The following LYN variants were observed in gnomAD, a reference collection of about 807,000 sequenced individuals.
LYN encodes LYN proto-oncogene, Src family tyrosine kinase, also known as tyrosine-protein kinase Lyn.
LYN carries 12 observed loss-of-function variants against 65.0 expected under a neutral mutation model. The ratio of observed to expected loss-of-function variants is 0.18; its 90% confidence interval spans 0.12 to 0.30. The LOEUF is 0.30. Ranked by LOEUF, LYN falls within the 10% of genes least tolerant of loss-of-function variation. The pLI is 1.00. For synonymous variants in LYN, 222 were observed against 221.2 expected, an observed-to-expected ratio of 1.00 and a Z score of -0.03; for missense variants, 380 against 623.2, an observed-to-expected ratio of 0.61 and a Z score of 4.16.
intron 1 of LYN, among the ~76,000 whole-genome samples, chr8:55,880,472 G>T (rs1359692244): frequency 6.6e-6 from 1 of 152,170 alleles, no homozygotes; most frequent in Non-Finnish European, 1.5e-5. Flanking sequence ...GCCGCTTCTC[G>T]CACACAGTGG....
chr8:55,965,400 T>G (rs1276047837), intron 8 of LYN, among the ~76,000 whole-genome samples: 1 of 152,164 alleles, frequency 6.6e-6, no homozygotes, highest in Non-Finnish European at 1.5e-5. Flanking sequence ...TCCCTGTCCT[T>G]TTAGTGGGGG....
At chr8:55,896,630 T>C (rs13282982) in intron 1 of LYN, among the ~76,000 whole-genome samples, 62,833 of 151,868 alleles carry the variant, frequency 0.41, 14,031 homozygotes, top group East Asian at 0.8. Flanking sequence ...GTTCGGCACA[T>C]GTATCTTAGA....
At chr8:55,918,113 C>G (rs1396949805) in intron 1 of LYN, among the ~76,000 whole-genome samples, 7 of 152,174 alleles carry the variant, frequency 4.6e-5, no homozygotes, top group Admixed American at 3.3e-4. Context: ...GCTTGCAGAT[C>G]TCCCAGCGCT....
chr8:55,900,071 C>T (rs1805217709), intron 1 of LYN, among the ~76,000 whole-genome samples: 1 of 152,166 alleles, frequency 6.6e-6, no homozygotes, highest in African/African-American at 2.4e-5. Context: ...GAATCTAATG[C>T]GCTGCCACTC....
intron 1 of LYN, among the ~76,000 whole-genome samples, chr8:55,925,132 G>A (rs1199059542): frequency 6.6e-6 from 1 of 151,126 alleles, no homozygotes; most frequent in African/African-American, 2.4e-5. Flanking sequence ...CTCTTTTTTT[G>A]TTTGTTTTGA....
intron 1 of LYN, among the ~76,000 whole-genome samples, chr8:55,884,628 G>C (rs1449282082): frequency 2.0e-5 from 3 of 150,356 alleles, no homozygotes; most frequent in Non-Finnish European, 4.4e-5. Flanking sequence ...GCTAATTTTT[G>C]TATTTTTAGT....
intron 1 of LYN, among the ~76,000 whole-genome samples, chr8:55,902,098 C>T (rs1014934022): frequency 2.0e-5 from 3 of 152,026 alleles, no homozygotes; most frequent in African/African-American, 2.4e-5. Flanking sequence ...ACCTCTGTCT[C>T]CTGGGTTCAA....
chr8:55,963,657 G>C (rs1349593206), intron 8 of LYN, among the ~76,000 whole-genome samples: 1 of 152,140 alleles, frequency 6.6e-6, no homozygotes, highest in Non-Finnish European at 1.5e-5. Flanking sequence ...CATTTCTCTG[G>C]TTGCTAATAA....
chr8:55,966,214 A>G (rs903196880), intron 8 of LYN, among the ~76,000 whole-genome samples: 2 of 152,168 alleles, frequency 1.3e-5, no homozygotes, highest in African/African-American at 4.8e-5. Context: ...TTGATTTTTG[A>G]ATAATTTAAA....
intron 1 of LYN, among the ~76,000 whole-genome samples, chr8:55,926,025 G>A (rs927176943): frequency 6.6e-6 from 1 of 152,020 alleles, no homozygotes; most frequent in African/African-American, 2.4e-5. Flanking sequence ...TAAATTATAA[G>A]CATTTTTTAT....
chr8:55,999,292 C>A (rs1563329298), intron 11 of LYN, 126 bp from the exon 12 acceptor site: 5 of 744,980 alleles, frequency 6.7e-6, no homozygotes, highest in Non-Finnish European at 1.1e-5. Context: ...TACATTCCAG[C>A]CTGGGTGACA....
chr8:55,977,052 G>C (rs1807775420), intron 10 of LYN, among the ~76,000 whole-genome samples: 1 of 152,116 alleles, frequency 6.6e-6, no homozygotes, highest in African/African-American at 2.4e-5. Context: ...GGGCATGGTG[G>C]TGTGCGCCTG....
chr8:55,998,086 G>GA (rs956498668), intron 10 of LYN, among the ~76,000 whole-genome samples: 26 of 147,018 alleles, frequency 1.8e-4, no homozygotes, highest in Non-Finnish European at 3.5e-4. Flanking sequence ...TCCGTCTCAA[G>GA]AAAAAAAAAG....
chr8:55,879,952 G>A lies in LYN; in HGVS notation c.-157G>A. ...AAGCGGGGCGGCCGCGCCACCCCCG[G>A]CCCCGCGCCAGCAGCCCCTCGCCGC... is the stretch of plus-strand genomic sequence containing the variant. On this transcript the variant is annotated 5_prime_UTR_variant, in exon 1 of 13. Coordinates refer to ENST00000519728, the MANE Select transcript of LYN (RefSeq NM_002350.4). 1 of 223,460 alleles carries A rather than the reference G, an allele frequency of 4.5e-6. No individual in the cohort carries two copies. The highest frequency in any genetic ancestry group is 9.0e-6 in the Non-Finnish European group (1 of 111,214). The allele number at this position is 223,460 out of a possible 1,614,324, so 13.8% of individuals were successfully genotyped here. A position where few individuals can be genotyped will look rare whatever the true frequency, so the allele number is the denominator to read the frequency against.
intron 1 of LYN, among the ~76,000 whole-genome samples, chr8:55,890,117 C>CAAAAAAAAAAAAAAAAAAAAAAA (rs34706733): frequency 1.0e-3 from 83 of 79,076 alleles, no homozygotes; most frequent in Middle Eastern, 9.3e-3. Flanking sequence ...CCTCTATAGA[C>CAAAAAAAAAAAAAAAAAAAAAAA]AAAAAAAAAA....
chr8:55,979,319 G>A (rs1476286612), intron 10 of LYN, among the ~76,000 whole-genome samples: 1 of 152,166 alleles, frequency 6.6e-6, no homozygotes, highest in African/African-American at 2.4e-5. Context: ...AGGGATTACA[G>A]GCGTCAGCCA....
intron 6 of LYN, 93 bp from the exon 7 acceptor site, chr8:55,951,873 A>T (rs1259622586): frequency 1.0e-6 from 1 of 960,464 alleles, no homozygotes; most frequent in Non-Finnish European, 1.6e-6. Context: ...TGTATTTTGC[A>T]TATTTGTATC....
At chr8:55,942,357 G>GTA (rs370119023) in intron 2 of LYN, among the ~76,000 whole-genome samples, 15,262 of 131,278 alleles carry the variant, frequency 0.12, 1,102 homozygotes, top group Middle Eastern at 0.21. Context: ...ATATATATGT[G>GTA]TATATATATG....
intron 1 of LYN, among the ~76,000 whole-genome samples, chr8:55,910,325 A>G (rs1356317299): frequency 1.3e-5 from 2 of 152,146 alleles, no homozygotes; most frequent in African/African-American, 4.8e-5. Flanking sequence ...ATTTTTGTAT[A>G]TGGTAAGAGA....
Sources: gnomAD v4.1 joint callset for allele counts (sites outside exome capture counted in the v4.1 genomes callset) on GRCh38, gnomAD v4.1.1 for gene constraint, MANE v1.5 for transcripts, NCBI Gene and HGNC (gene_info 2026-07-23, HGNC 2026-07-21) for gene names.